Variants in USP18 observed in about 807,000 individuals in gnomAD.
The protein encoded by USP18 is ubl carboxyl-terminal hydrolase 18.
Under a neutral mutation model 48.7 loss-of-function variants are expected in USP18, and 11 were observed. The observed-to-expected ratio is 0.23, with a 90% CI of 0.14 to 0.37. The LOEUF is 0.37. USP18 is among the 10% of genes least tolerant of loss of function. USP18 has a pLI of 1.00. For synonymous variants in USP18, 114 were observed against 163.2 expected, an observed-to-expected ratio of 0.70 and a Z score of 2.30; for missense variants, 285 against 436.4, an observed-to-expected ratio of 0.65 and a Z score of 3.09.
intron 10 of USP18, among the ~76,000 whole-genome samples, chr22:18,175,432 CTT>C (rs1172762462): frequency 6.7e-6 from 1 of 150,110 alleles, no homozygotes; most frequent in East Asian, 1.9e-4. Context: ...ATCTTTCTCT[CTT>C]GTTTATTCTG....
At chr22:18,164,856 G>C (rs1393043406) in intron 4 of USP18, among the ~76,000 whole-genome samples, 15 of 152,076 alleles carry the variant, frequency 9.9e-5, no homozygotes, top group Admixed American at 8.5e-4. Flanking sequence ...GGCTGCCTAT[G>C]TGTGGTCCAA....
intron 1 of USP18, among the ~76,000 whole-genome samples, chr22:18,150,628 A>G (rs1373186593): frequency 6.6e-6 from 1 of 152,250 alleles, no homozygotes; most frequent in Non-Finnish European, 1.5e-5. Context: ...ACATCTTTTC[A>G]TGGCAGGACA....
In USP18 at chr22:18,157,654, G is replaced by A. The variant is rs758166527; in HGVS notation, c.-10G>A. ...GCAGCTGCGGCCTGGGGGTTTTGGA[G>A]TGATCACGAATGAGCAAGGCGTTTG... On this transcript the variant is annotated 5_prime_UTR_variant, in exon 2 of 11. The change creates a new upstream start codon in the 5' untranslated region. Coordinates refer to ENST00000215794, the MANE Select transcript of USP18 (RefSeq NM_017414.4). 2.5e-6 allele frequency: 4 copies of A among 1,614,060 alleles called. No homozygotes were observed. The highest frequency in any genetic ancestry group is 3.4e-6 in the Non-Finnish European group (4 of 1,179,966).
At chr22:18,168,176 G>A (rs1032114396) in intron 6 of USP18, 140 bp downstream of exon 6, 1 of 1,390,810 alleles carries the variant, frequency 7.2e-7, no homozygotes, top group African/African-American at 1.5e-5. Flanking sequence ...GCTGCACCTG[G>A]TGAGGGCCTG....
At chr22:18,155,471 C>T (rs1460686113) in intron 1 of USP18, among the ~76,000 whole-genome samples, 2 of 152,340 alleles carry the variant, frequency 1.3e-5, no homozygotes, top group African/African-American at 2.4e-5. Flanking sequence ...GGAGCCCCTT[C>T]CTGGGCTGGC....
chr22:18,166,677 A>T (rs1929484952), intron 4 of USP18, among the ~76,000 whole-genome samples: 1 of 151,882 alleles, frequency 6.6e-6, no homozygotes, highest in South Asian at 2.1e-4. Context: ...GCCAGAGGGG[A>T]GGGATCTGAG....
chr22:18,167,359 C>T (rs1412584895), intron 5 of USP18, 25 bp downstream of exon 5: 63 of 1,612,306 alleles, frequency 3.9e-5, no homozygotes, highest in South Asian at 4.4e-5. Context: ...CCAGAGCACT[C>T]GGAAGCTTAA....
chr22:18,165,791 G>A (rs890237873), intron 4 of USP18, among the ~76,000 whole-genome samples: 1 of 149,098 alleles, frequency 6.7e-6, no homozygotes, highest in African/African-American at 2.5e-5. Context: ...CACTAGGAAG[G>A]CATGGAGAAA....
chr22:18,158,376 C>T (rs888463631), intron 2 of USP18, among the ~76,000 whole-genome samples: 4 of 152,218 alleles, frequency 2.6e-5, no homozygotes, highest in Admixed American at 2.0e-4. Flanking sequence ...GTGGAAACTG[C>T]TTTAAGCCAG....
At chr22:18,170,728 C>G in intron 7 of USP18, 25 bp from the exon 8 acceptor site, 1 of 1,608,450 alleles carries the variant, frequency 6.2e-7, no homozygotes, top group Non-Finnish European at 8.5e-7. Flanking sequence ...TAGACTTCAT[C>G]TCCAGAGTGA....
chr22:18,154,982 G>A (rs1203824506), intron 1 of USP18, among the ~76,000 whole-genome samples: 1 of 152,214 alleles, frequency 6.6e-6, no homozygotes, highest in Non-Finnish European at 1.5e-5. Context: ...TTCAGCTGTT[G>A]TAGTGCTGGG....
At chr22:18,173,905 G>A in intron 10 of USP18, 63 bp downstream of exon 10, 1 of 1,504,264 alleles carries the variant, frequency 6.6e-7, no homozygotes, top group East Asian at 2.4e-5. Flanking sequence ...GGAGCTGCAT[G>A]AAACGCCCAT....
intron 1 of USP18, among the ~76,000 whole-genome samples, chr22:18,154,045 C>A (rs1252355229): frequency 4.6e-5 from 7 of 151,068 alleles, no homozygotes; most frequent in African/African-American, 1.7e-4. Context: ...AATATCTCTT[C>A]AACATACTGA....
chr22:18,166,764 G>A (rs558102533), intron 4 of USP18, among the ~76,000 whole-genome samples: 184 of 151,048 alleles, frequency 1.2e-3, no homozygotes, highest in Middle Eastern at 3.4e-3. Context: ...CAAAGTCCCT[G>A]TGGACATCTC....
At chr22:18,173,670 C>T in intron 9 of USP18, 123 bp from the exon 10 acceptor site, 1 of 1,395,110 alleles carries the variant, frequency 7.2e-7, no homozygotes, top group Non-Finnish European at 9.8e-7. Context: ...GCTGTTGCTC[C>T]AGGCTCTTGG....
Position 18,157,802 on chromosome 22 carries a change from G to A in USP18, c.139G>A (p.Ala47Thr), listed in dbSNP as rs1280275232. 2 of 1,614,054 alleles carry A rather than the reference G, an allele frequency of 1.2e-6. No individual in the cohort carries two copies. The highest frequency in any genetic ancestry group is 1.7e-6 in the Non-Finnish European group (2 of 1,179,996). The part of the protein sequence containing the change: ...KREQPRERPR[A>T]WDYPHGLVGL... ...AGAGCAGCCCAGAGAGCGTCCCAGG[G>A]CCTGGGACTACCCTCATGGTCATTA... Residue 47 changes from alanine (A) to threonine (T), a missense_variant, in exon 2 of 11, where the codon GCC (alanine) becomes ACC (threonine). Coordinates refer to ENST00000215794, the MANE Select transcript of USP18 (RefSeq NM_017414.4).
intron 1 of USP18, among the ~76,000 whole-genome samples, chr22:18,156,781 TGCCC>T (rs1929159122): frequency 6.6e-6 from 1 of 152,226 alleles, no homozygotes; most frequent in Non-Finnish European, 1.5e-5. Context: ...ACTGCGGACA[TGCCC>T]CCTTTAAGAA....
intron 1 of USP18, among the ~76,000 whole-genome samples, chr22:18,152,659 T>C (rs1174410685): frequency 6.6e-6 from 1 of 152,040 alleles, no homozygotes; most frequent in Non-Finnish European, 1.5e-5. Flanking sequence ...GGATGCTTAT[T>C]GCCCCTGCTA....
intron 1 of USP18, among the ~76,000 whole-genome samples, chr22:18,155,382 C>T (rs941894441): frequency 3.3e-5 from 5 of 152,242 alleles, no homozygotes; most frequent in African/African-American, 4.8e-5. Context: ...ACAGCCCTCG[C>T]TCGCTCTCGG....
Sources: gnomAD v4.1 joint callset for allele counts (sites outside exome capture counted in the v4.1 genomes callset) on GRCh38, gnomAD v4.1.1 for gene constraint, MANE v1.5 for transcripts, NCBI Gene and HGNC (gene_info 2026-07-23, HGNC 2026-07-21) for gene names.